The following OAF variants were observed in gnomAD, a reference collection of about 807,000 sequenced individuals.
OAF encodes the protein out at first homolog.
A neutral mutation model predicts 22.5 loss-of-function variants in OAF; 13 were observed. The ratio of observed to expected loss-of-function variants is 0.58; its 90% CI spans 0.38 to 0.92. The LOEUF is 0.92. Ranked by LOEUF, OAF falls within the 40% of genes least tolerant of loss-of-function variation. OAF has a pLI of 0.00. For missense variants in OAF, 347 were observed against 381.8 expected (o/e 0.91, Z 0.76); for synonymous variants, 175 against 170.5 (o/e 1.03, Z -0.21).
At chr11:120,215,401 G>T (rs2135089943) in intron 1 of OAF, among the ~76,000 whole-genome samples, 1 of 152,302 alleles carries the variant, frequency 6.6e-6, no homozygotes. Flanking sequence ...TGCTCTAGGG[G>T]AGGGGAGGGG....
chr11:120,218,407 G>C (rs891566871), intron 1 of OAF, among the ~76,000 whole-genome samples: 10 of 152,198 alleles, frequency 6.6e-5, no homozygotes, highest in African/African-American at 2.4e-4. Flanking sequence ...CAGCTTTGCC[G>C]TGGGGCTAGG....
intron 1 of OAF, among the ~76,000 whole-genome samples, chr11:120,212,064 G>A (rs1938156614): frequency 6.6e-6 from 1 of 152,188 alleles, no homozygotes; most frequent in Non-Finnish European, 1.5e-5. Flanking sequence ...GCCGGGAGAA[G>A]CCCTGTCTCC....
At chr11:120,228,821 T>TCCCCA in intron 3 of OAF, 47 bp from the exon 4 acceptor site, 3 of 520,280 alleles carry the variant, frequency 5.8e-6, no homozygotes, top group Non-Finnish European at 7.2e-6. Flanking sequence ...GGGAGCTCCT[T>TCCCCA]CCCTCCCTCC....
rs779066560 is a variant in OAF at position 120,222,071 on chromosome 11, CT to C, written c.232-3587del. On this transcript the variant is annotated intron_variant, in intron 1 of 3. Transcript: ENST00000328965. ...GGCCTGGGCTTAGCATCTGAGGGGA[CT>C]TTCACCCTTCCCTGTGAAGGTTGGA... Among the ~76,000 whole-genome samples, 51 of 152,168 alleles carry C rather than the reference CT, an allele frequency of 3.4e-4. 1 individual carries two copies. Among genetic ancestry groups the C allele is most frequent in the Non-Finnish European group, 8.8e-5 (6 of 68,026 alleles).
intron 1 of OAF, among the ~76,000 whole-genome samples, chr11:120,214,946 G>T (rs961213983): frequency 2.6e-5 from 4 of 152,232 alleles, no homozygotes; most frequent in Non-Finnish European, 4.4e-5. Flanking sequence ...CAGCTTTGCC[G>T]CACCTCACAA....
Position 120,211,288 on chromosome 11 carries a change from TC to T in OAF, c.12del (p.Val6TyrfsTer38). ...GGCAGCGGCCCCCGGGGATGCGCCT[TC>T]CCGGGGTACCCCTGGCGCGCCCTGC... MRL[P>X]GVPLARPALL... On this transcript the variant is annotated frameshift_variant, in exon 1 of 4. Transcript: ENST00000328965. LOFTEE classifies it high-confidence loss of function. 1 of 1,250,540 alleles carries T rather than the reference TC, an allele frequency of 8.0e-7. No homozygotes were observed. Among genetic ancestry groups the T allele is most frequent in the Non-Finnish European group, 1.0e-6 (1 of 997,532 alleles). The allele number at this position is 1,250,540 out of a possible 1,614,324, so 77.5% of individuals were successfully genotyped here.
intron 1 of OAF, among the ~76,000 whole-genome samples, chr11:120,214,969 C>T (rs973890595): frequency 4.6e-5 from 7 of 152,228 alleles, no homozygotes; most frequent in African/African-American, 1.2e-4. Flanking sequence ...ACCTGGGGAG[C>T]TTTGAAAATT....
Position 120,211,637 on chromosome 11 carries a change from G to A in OAF, c.231+127G>A, listed in dbSNP as rs1366464864. On this transcript the variant is annotated intron_variant, in intron 1 of 3. Coordinates refer to ENST00000328965, the MANE Select transcript of OAF (RefSeq NM_178507.4). ...GACGCAGCTGGCCCAAGGTCACGCCGGGCTCTTCTCTACACCTCTTTGCCC... is the reference window on the plus strand; with the variant it reads ...GACGCAGCTGGCCCAAGGTCACGCCAGGCTCTTCTCTACACCTCTTTGCCC... The A allele has an allele frequency of 7.4e-5, 41 of 557,420 alleles. 1 individual carries two copies. The Admixed American group carries it at 1.6e-3, about 22-fold the overall frequency. 34.5% of individuals were successfully genotyped at this position (557,420 alleles called of 1,614,324 possible). A position where few individuals can be genotyped will look rare whatever the true frequency, so the allele number is the denominator to read the frequency against.
At chr11:120,218,365 G>A (rs1301158382) in intron 1 of OAF, among the ~76,000 whole-genome samples, 1 of 152,168 alleles carries the variant, frequency 6.6e-6, no homozygotes, top group Admixed American at 6.5e-5. Flanking sequence ...GTTCCTGCTC[G>A]AGAAGCCTGG....
Position 120,229,620 on chromosome 11 carries a change from C to T in OAF, c.*478C>T, listed in dbSNP as rs1938410064. 1 of 165,714 alleles carries T rather than the reference C, an allele frequency of 6.0e-6. No individual in the cohort carries two copies. The highest frequency in any genetic ancestry group is 2.4e-5 in the African/African-American group (1 of 42,168). 10.3% of individuals were successfully genotyped at this position (165,714 alleles called of 1,614,324 possible). A position where few individuals can be genotyped will look rare whatever the true frequency, so the allele number is the denominator to read the frequency against. ...TCCCCAACAAGGGGCTCACTATCCC[C>T]AAAGAAGGAGCTGTTGGGGACCCAC... On this transcript the variant is annotated 3_prime_UTR_variant, in exon 4 of 4. Transcript: ENST00000328965.
At chr11:120,224,633 G>C (rs1424383073) in intron 1 of OAF, among the ~76,000 whole-genome samples, 1 of 152,114 alleles carries the variant, frequency 6.6e-6, no homozygotes, top group African/African-American at 2.4e-5. Flanking sequence ...GCTGGGGCCC[G>C]GGCATTAATA....
rs546095061 is a variant in OAF, at chr11:120,224,791, A to C, written c.232-870A>C. On this transcript the variant is annotated intron_variant, in intron 1 of 3. Coordinates refer to ENST00000328965, the MANE Select transcript of OAF (RefSeq NM_178507.4). The stretch of plus-strand genomic sequence containing the variant: ...TCTGACTGGGACCCACTAACTTCTC[A>C]CTGGGAGCAGAGTTAATCAAGTCAC... Among the ~76,000 whole-genome samples, 12 of 152,278 alleles carry C rather than the reference A, an allele frequency of 7.9e-5. No individual in the cohort carries two copies. The South Asian group carries it at 2.5e-3, about 32-fold the overall frequency.
intron 1 of OAF, among the ~76,000 whole-genome samples, chr11:120,211,986 G>A (rs1482081669): frequency 6.6e-6 from 1 of 152,184 alleles, no homozygotes; most frequent in Non-Finnish European, 1.5e-5. Flanking sequence ...ACATTTTGGA[G>A]TCCCTCTGTC....
At chr11:120,214,574 C>T (rs967704704) in intron 1 of OAF, among the ~76,000 whole-genome samples, 3 of 152,200 alleles carry the variant, frequency 2.0e-5, no homozygotes, top group Non-Finnish European at 4.4e-5. Context: ...CCTGACAGTC[C>T]ACCCAGGGCA....
intron 1 of OAF, among the ~76,000 whole-genome samples, chr11:120,219,037 G>T (rs937042764): frequency 6.6e-6 from 1 of 151,766 alleles, no homozygotes; most frequent in Non-Finnish European, 1.5e-5. Flanking sequence ...GGGAGGAGGC[G>T]TGTGAGGAGA....
At chr11:120,227,317 G>T (rs1488245937) in intron 3 of OAF, among the ~76,000 whole-genome samples, 1 of 152,166 alleles carries the variant, frequency 6.6e-6, no homozygotes, top group African/African-American at 2.4e-5. Flanking sequence ...GTCTGGGAAG[G>T]CTTCCTGGAG....
At chr11:120,214,414 T>C (rs1016473723) in intron 1 of OAF, among the ~76,000 whole-genome samples, 6 of 152,200 alleles carry the variant, frequency 3.9e-5, no homozygotes, top group African/African-American at 1.4e-4. Flanking sequence ...TCTGCTAAAC[T>C]TGGACTCAAA....
intron 1 of OAF, among the ~76,000 whole-genome samples, chr11:120,220,745 TA>T: frequency 6.6e-6 from 1 of 152,256 alleles, no homozygotes; most frequent in South Asian, 2.1e-4. Flanking sequence ...CAGAAAGGCC[TA>T]GGGGTGACAC....
At chr11:120,226,005 C>T (rs1702159892) in intron 2 of OAF, among the ~76,000 whole-genome samples, 1 of 152,204 alleles carries the variant, frequency 6.6e-6, no homozygotes, top group African/African-American at 2.4e-5. Flanking sequence ...GACCTGCCCT[C>T]ATCCCTGGTA....
Sources: allele counts gnomAD v4.1 joint callset (sites outside exome capture counted in the v4.1 genomes callset), GRCh38; gene constraint gnomAD v4.1.1; transcripts MANE v1.5; gene names NCBI Gene and HGNC (gene_info 2026-07-23, HGNC 2026-07-21).